SIPA1L1: variants seen among roughly 807,000 people sequenced by gnomAD.
The protein encoded by SIPA1L1 is signal induced proliferation associated 1 like 1, also known as signal-induced proliferation-associated 1-like protein 1.
A neutral mutation model predicts 162.7 loss-of-function variants in SIPA1L1; 26 were observed. The observed-to-expected ratio is 0.16, with a 90% confidence interval of 0.12 to 0.22. SIPA1L1 has a LOEUF of 0.22. SIPA1L1 is among the 10% of genes least tolerant of loss of function. SIPA1L1 has a pLI of 1.00. For missense variants in SIPA1L1, 1,874 were observed against 2,241.0 expected, an observed-to-expected ratio of 0.84 and a Z score of 3.31; for synonymous variants, 829 against 837.4, an observed-to-expected ratio of 0.99 and a Z score of 0.17.
intron 2 of SIPA1L1, among the ~76,000 whole-genome samples, chr14:71,361,741 T>G (rs935916401): frequency 2.0e-5 from 3 of 152,178 alleles, no homozygotes; most frequent in Admixed American, 6.5e-5. Context: ...CTGAGCAGTT[T>G]GCCATGTGGG....
intron 13 of SIPA1L1, among the ~76,000 whole-genome samples, chr14:71,697,687 A>C (rs548985660): frequency 6.6e-6 from 1 of 152,302 alleles, no homozygotes; most frequent in Admixed American, 6.5e-5. Flanking sequence ...GCATGGATTA[A>C]TTTGGGAGTT....
At chr14:71,654,664 TTGTC>T (rs1482637852) in intron 8 of SIPA1L1, among the ~76,000 whole-genome samples, 3 of 152,268 alleles carry the variant, frequency 2.0e-5, no homozygotes, top group Admixed American at 1.3e-4. Flanking sequence ...GATCATGTGA[TTGTC>T]AAGGAGGCAG....
intron 23 of SIPA1L1, 112 bp from the exon 24 acceptor site, chr14:71,738,906 C>T (rs919415229): frequency 2.0e-5 from 26 of 1,283,050 alleles, no homozygotes; most frequent in African/African-American, 1.3e-4. Flanking sequence ...TTTGGAGGAA[C>T]GAAGAATAGA....
chr14:71,603,994 T>TATTTATATATAGATATATTG (rs2037166776), intron 5 of SIPA1L1, among the ~76,000 whole-genome samples: 1 of 145,342 alleles, frequency 6.9e-6, no homozygotes, highest in African/African-American at 2.5e-5. Context: ...TATTTATATA[T>TATTTATATATAGATATATTG]ATATAAATTT....
intron 21 of SIPA1L1, among the ~76,000 whole-genome samples, chr14:71,734,755 G>A (rs988238146): frequency 2.6e-5 from 4 of 152,134 alleles, no homozygotes; most frequent in African/African-American, 9.7e-5. Flanking sequence ...AATGGTAGAA[G>A]TTTTGGTTTC....
intron 3 of SIPA1L1, among the ~76,000 whole-genome samples, chr14:71,523,594 A>G (rs754024310): frequency 2.0e-5 from 3 of 152,334 alleles, no homozygotes; most frequent in East Asian, 1.9e-4. Flanking sequence ...GGTCCAATCC[A>G]GGATCAAACA....
At chr14:71,507,817 C>T (rs1456615768) in intron 2 of SIPA1L1, among the ~76,000 whole-genome samples, 1 of 152,184 alleles carries the variant, frequency 6.6e-6, no homozygotes, top group East Asian at 1.9e-4. Flanking sequence ...CTAGCCCTGT[C>T]AGCCTTCTCT....
chr14:71,705,435 A>T, intron 16 of SIPA1L1, 95 bp downstream of exon 16: 1 of 918,168 alleles, frequency 1.1e-6, no homozygotes, highest in Non-Finnish European at 1.8e-6. Context: ...TGCATGGCCA[A>T]AGAGGAAATC....
intron 2 of SIPA1L1, among the ~76,000 whole-genome samples, chr14:71,469,696 CAT>C (rs765418398): frequency 1.7e-4 from 26 of 152,266 alleles, no homozygotes; most frequent in Admixed American, 3.3e-4. Context: ...TCCATATTCT[CAT>C]GTGAAAAATG....
At chr14:71,629,183 T>C (rs2040331538) in intron 7 of SIPA1L1, among the ~76,000 whole-genome samples, 1 of 152,186 alleles carries the variant, frequency 6.6e-6, no homozygotes, top group Admixed American at 6.5e-5. Flanking sequence ...GTGGTCCGCC[T>C]GCCTCAGCCT....
At chr14:71,465,716 G>C (rs1408013162) in intron 2 of SIPA1L1, among the ~76,000 whole-genome samples, 2 of 151,998 alleles carry the variant, frequency 1.3e-5, no homozygotes, top group African/African-American at 2.4e-5. Flanking sequence ...TCTGTATTAG[G>C]GTTCTCTAGA....
At chr14:71,649,729 A>G (rs745865180) in intron 7 of SIPA1L1, among the ~76,000 whole-genome samples, 1 of 152,218 alleles carries the variant, frequency 6.6e-6, no homozygotes, top group Non-Finnish European at 1.5e-5. Flanking sequence ...ATCCTTTGGA[A>G]AACTATTTGA....
chr14:71,657,000 G>T (rs2043113332), intron 8 of SIPA1L1, among the ~76,000 whole-genome samples: 1 of 152,188 alleles, frequency 6.6e-6, no homozygotes, highest in South Asian at 2.1e-4. Context: ...ATGTGTCAGA[G>T]ACTTTGTCTG....
At chr14:71,549,975 G>A (rs2055639899) in intron 4 of SIPA1L1, among the ~76,000 whole-genome samples, 1 of 151,666 alleles carries the variant, frequency 6.6e-6, no homozygotes, top group South Asian at 2.1e-4. Flanking sequence ...CAAGGCGAAG[G>A]GAGCTGGGTG....
At chr14:71,397,143 T>C (rs1434815061) in intron 2 of SIPA1L1, among the ~76,000 whole-genome samples, 1 of 152,150 alleles carries the variant, frequency 6.6e-6, no homozygotes, top group Non-Finnish European at 1.5e-5. Context: ...TTTCTGAGAA[T>C]AGTGTATTTA....
intron 2 of SIPA1L1, among the ~76,000 whole-genome samples, chr14:71,482,470 A>G (rs929732399): frequency 1.3e-5 from 2 of 152,102 alleles, no homozygotes; most frequent in Non-Finnish European, 2.9e-5. Flanking sequence ...CCACCAGAAC[A>G]TTTCTTCTGC....
At chr14:71,673,919 T>C (rs899748262) in intron 12 of SIPA1L1, among the ~76,000 whole-genome samples, 1 of 152,212 alleles carries the variant, frequency 6.6e-6, no homozygotes, top group Admixed American at 6.5e-5. Flanking sequence ...TTAAGTAATG[T>C]GCTGAACTGT....
intron 2 of SIPA1L1, among the ~76,000 whole-genome samples, chr14:71,399,362 G>T (rs1270017207): frequency 6.6e-6 from 1 of 152,164 alleles, no homozygotes; most frequent in African/African-American, 2.4e-5. Context: ...ACAAATGTGG[G>T]CTCTGGTTCT....
At chr14:71,659,682 A>G (rs1306381770) in intron 9 of SIPA1L1, among the ~76,000 whole-genome samples, 2 of 152,184 alleles carry the variant, frequency 1.3e-5, no homozygotes, top group Non-Finnish European at 2.9e-5. Flanking sequence ...CTTAGAAGAG[A>G]AAGATGAGAT....
Sources: gnomAD v4.1 joint callset for allele counts (sites outside exome capture counted in the v4.1 genomes callset) on GRCh38, gnomAD v4.1.1 for gene constraint, MANE v1.5 for transcripts, NCBI Gene and HGNC (gene_info 2026-07-23, HGNC 2026-07-21) for gene names.